Variants in NAA25 observed in about 807,000 individuals in gnomAD.
NAA25 encodes the protein N-terminal acetyltransferase B complex subunit NAA25.
A neutral mutation model predicts 132.5 loss-of-function variants in NAA25; 30 were observed. The observed-to-expected ratio is 0.23, with a 90% CI of 0.17 to 0.31. The LOEUF (loss-of-function observed/expected upper bound fraction) is 0.31. Ranked by LOEUF, NAA25 falls within the 10% of genes least tolerant of loss-of-function variation. The pLI is 1.00. For missense variants in NAA25, 771 were observed against 1,150.4 expected, an observed-to-expected ratio of 0.67 and a Z score of 4.77; for synonymous variants, 359 against 401.9, an observed-to-expected ratio of 0.89 and a Z score of 1.28.
intron 15 of NAA25, among the ~76,000 whole-genome samples, chr12:112,051,363 A>G (rs1268478765): frequency 6.6e-6 from 1 of 151,986 alleles, no homozygotes; most frequent in Non-Finnish European, 1.5e-5. Flanking sequence ...GGCACCTACC[A>G]CCATGCCTGG....
In NAA25 at chr12:112,043,633, C is replaced by T. The variant is rs769713005; in HGVS notation, c.2242G>A (p.Asp748Asn). ...ATATGTATTGATGGTACCTGAATAT[C>T]CTTCTCAATAAATCGCTTTCCTGTC... ...LETGKRFIEK[D>N]IQYPFLGPVP... is the part of the protein sequence containing the mutation. The change falls in exon 18 of 24, where the codon GAT becomes AAT. Residue 748 changes from aspartate to asparagine, a missense_variant. Transcript: ENST00000261745. 3 of 1,613,958 alleles carry T rather than the reference C, an allele frequency of 1.9e-6. No individual in the cohort carries two copies. In the African/African-American group the frequency reaches 4.0e-5, roughly 22 times the overall value.
intron 2 of NAA25, 114 bp from the exon 3 acceptor site, chr12:112,090,978 T>C (rs2079119740): frequency 9.7e-7 from 1 of 1,035,744 alleles, no homozygotes; most frequent in Admixed American, 2.6e-5. Flanking sequence ...GCTGATATAC[T>C]AGTTTCAGGC....
chr12:112,073,076 A>T (rs2078838602), intron 9 of NAA25, among the ~76,000 whole-genome samples: 1 of 151,936 alleles, frequency 6.6e-6, no homozygotes. Flanking sequence ...TCTACAAAAA[A>T]TACAAAAATT....
At chr12:112,089,191 A>T (rs2079096693) in intron 3 of NAA25, among the ~76,000 whole-genome samples, 1 of 152,110 alleles carries the variant, frequency 6.6e-6, no homozygotes, top group Admixed American at 6.6e-5. Flanking sequence ...GCTTGAGCCT[A>T]AGAGTCCAAA....
intron 2 of NAA25, among the ~76,000 whole-genome samples, chr12:112,091,509 G>A (rs1194358742): frequency 6.6e-6 from 1 of 152,136 alleles, no homozygotes; most frequent in African/African-American, 2.4e-5. Context: ...GGTAGGCAAC[G>A]TGGTGAGATC....
At chr12:112,067,039 T>C (rs1239755962) in intron 11 of NAA25, among the ~76,000 whole-genome samples, 1 of 152,004 alleles carries the variant, frequency 6.6e-6, no homozygotes, top group Non-Finnish European at 1.5e-5. Context: ...CCATCTCTAC[T>C]AAAAATACAA....
chr12:112,097,480 G>T (rs1470076415), intron 1 of NAA25: 1 of 151,974 alleles, frequency 6.6e-6, no homozygotes, highest in Non-Finnish European at 1.5e-5. Context: ...GGTGGCGGGC[G>T]CCTGTAGTCC....
intron 1 of NAA25, among the ~76,000 whole-genome samples, chr12:112,093,835 T>C (rs1593832807): frequency 6.6e-6 from 1 of 152,108 alleles, no homozygotes; most frequent in Admixed American, 6.6e-5. Flanking sequence ...TGAGCCACGG[T>C]CGTGCCACTG....
chr12:112,079,140 TAC>T (rs754584322), intron 5 of NAA25, among the ~76,000 whole-genome samples: 94 of 152,192 alleles, frequency 6.2e-4, no homozygotes, highest in Non-Finnish European at 1.2e-3. Context: ...TTCCTTTCAT[TAC>T]ACAGTTTACT....
chr12:112,059,583 A>G (rs2078595766), intron 13 of NAA25, among the ~76,000 whole-genome samples: 1 of 152,204 alleles, frequency 6.6e-6, no homozygotes, highest in South Asian at 2.1e-4. Flanking sequence ...ATATTCCAGA[A>G]AGAATGCATT....
In NAA25 at chr12:112,033,286, G is replaced by A. The variant is rs12298022; in HGVS notation, c.2743C>T (p.Leu915=). ...AGTTCTTCAAGTTTAAGTGCAATTA[G>A]ATGTGTTTCAAGCCCTTTAATATGA... ...VDHIKGLETH[L]IALKLEELIL... is the part of the protein sequence containing the mutation. Residue 915 remains leucine, a synonymous_variant, in exon 23 of 24, where the codon CTA becomes TTA. Transcript: ENST00000261745. 2.8e-5 allele frequency: 45 copies of A among 1,612,564 alleles called. No individual in the cohort carries two copies. Among genetic ancestry groups the A allele is most frequent in the Non-Finnish European group, 3.2e-5 (38 of 1,179,478 alleles).
intron 14 of NAA25, among the ~76,000 whole-genome samples, chr12:112,053,871 C>T (rs1421280019): frequency 7.1e-6 from 1 of 140,888 alleles, no homozygotes; most frequent in African/African-American, 2.7e-5. Context: ...TTGTGGGAGA[C>T]CTAAAGTTCT....
chr12:112,086,014 CAAAAAAAAAAAAAA>C (rs566528517), intron 4 of NAA25, among the ~76,000 whole-genome samples: 9 of 11,964 alleles, frequency 7.5e-4, no homozygotes, highest in Middle Eastern at 0.12. Flanking sequence ...GAGACTGTCT[CAAAAAAAAAAAAAA>C]AAAAAAAAAA....
At chr12:112,099,594 T>C (rs1224099880) in intron 1 of NAA25, among the ~76,000 whole-genome samples, 2 of 152,076 alleles carry the variant, frequency 1.3e-5, no homozygotes, top group Non-Finnish European at 2.9e-5. Flanking sequence ...CAAGACACTA[T>C]CAAAATTTGT....
Position 112,081,151 on chromosome 12 carries a change from A to C in NAA25, c.403-17T>G, listed in dbSNP as rs2136908505. 1.3e-6 allele frequency: 2 copies of C among 1,596,370 alleles called. No homozygotes were observed. Among genetic ancestry groups the C allele is most frequent in the East Asian group, 2.2e-5 (1 of 44,778 alleles). On this transcript the variant is annotated splice_polypyrimidine_tract_variant and intron_variant, in intron 4 of 23. Transcript: ENST00000261745. ...CATGCCAGCCTAAAAGAGAACCATA[A>C]ATATTTTATTTAGAAAACACCATAC... is the stretch of plus-strand genomic sequence containing the variant.
intron 11 of NAA25, among the ~76,000 whole-genome samples, chr12:112,062,992 T>C (rs950620499): frequency 2.7e-5 from 4 of 150,930 alleles, no homozygotes; most frequent in African/African-American, 4.9e-5. Flanking sequence ...CCCAGGAGTT[T>C]GAGCCTGCAG....
In NAA25 at chr12:112,029,646, C is replaced by G; in HGVS notation, c.2804G>C (p.Arg935Thr). Residue 935 changes from arginine (R) to threonine (T), a missense_variant, in exon 24 of 24, where the codon AGA (arginine) becomes ACA (threonine). Arg to Thr is a moderately conservative substitution (Grantham distance 71). Transcript: ENST00000261745. ...CCCTTGCACAGTCTTTGAAAATTTT[C>G]TCTCTTCCTATAAAGGAGGAGACAA... ...LEDTSLSPEERKFSKTVQGKV... is the reference protein window; with the variant it reads ...LEDTSLSPEETKFSKTVQGKV... 6.2e-7 allele frequency: 1 copy of G among 1,613,002 alleles called. No individual in the cohort carries two copies. Among genetic ancestry groups the G allele is most frequent in the East Asian group, 2.2e-5 (1 of 44,880 alleles).
Position 112,060,195 on chromosome 12 carries a change from G to T in NAA25, c.1447+75C>A, listed in dbSNP as rs1036945464. 5.5e-5 allele frequency: 51 copies of T among 931,204 alleles called. No homozygotes were observed. In the African/African-American group the frequency reaches 7.9e-4, roughly 14 times the overall value. The allele number at this position is 931,204 out of a possible 1,614,324, so 57.7% of individuals were successfully genotyped here. ...ATAAAATTTGTGGATTGTAAAATTAGTCTAATGAAAGAATGCAGTACTTAT... is the reference window on the plus strand; with the variant it reads ...ATAAAATTTGTGGATTGTAAAATTATTCTAATGAAAGAATGCAGTACTTAT... On this transcript the variant is annotated intron_variant, in intron 13 of 23. Coordinates refer to ENST00000261745, the MANE Select transcript of NAA25 (RefSeq NM_024953.4).
Position 112,048,383 on chromosome 12 carries a change from T to C in NAA25, c.1789A>G (p.Ile597Val), listed in dbSNP as rs1593763203. 4.3e-6 allele frequency: 7 copies of C among 1,613,918 alleles called. No individual in the cohort carries two copies. In the East Asian group the frequency reaches 1.6e-4, roughly 36 times the overall value. ...YGAFEKIPEF[I>V]AFRNRLNNSL... ...TTATTCAGCCTGTTCCTAAAAGCGA[T>C]AAACTCTGGGATCTTCTCAAATGCA... Residue 597 changes from isoleucine (I) to valine (V), a missense_variant, in exon 16 of 24, where the codon ATC (isoleucine) becomes GTC (valine). This residue lies in a region of NAA25 where 417 missense variants were observed against 733.8 expected (regional missense o/e 0.57). Transcript: ENST00000261745.
Sources: allele counts gnomAD v4.1 joint callset (sites outside exome capture counted in the v4.1 genomes callset), GRCh38; gene constraint gnomAD v4.1.1; regional missense constraint gnomAD v4.1.1; transcripts MANE v1.5; gene names NCBI Gene and HGNC (gene_info 2026-07-23, HGNC 2026-07-21).